Variants in EFCAB8 observed in about 807,000 individuals in gnomAD.
The protein encoded by EFCAB8 is EF-hand calcium-binding domain-containing protein 8.
In EFCAB8, 100 loss-of-function variants were observed where a neutral mutation model predicts 116.3. That is an observed-to-expected ratio of 0.86 (90% CI 0.73 to 1.02). The LOEUF is 1.02. Among genes scored for constraint, EFCAB8 ranks in the 50% least tolerant of loss-of-function variants. The pLI is 0.00. For synonymous variants in EFCAB8, 558 were observed against 567.9 expected (o/e 0.98, Z 0.25); for missense variants, 1,320 against 1,416.9 (o/e 0.93, Z 1.10).
chr20:32,898,441 C>T, intron 10 of EFCAB8, 52 bp from the exon 11 acceptor site: 2 of 701,686 alleles, frequency 2.9e-6, no homozygotes, highest in South Asian at 1.5e-5. Context: ...GGGGCTGGGC[C>T]TAGAAAGTTG....
chr20:32,915,055 G>A (rs1399829967), intron 17 of EFCAB8, among the ~76,000 whole-genome samples: 1 of 151,988 alleles, frequency 6.6e-6, no homozygotes, highest in East Asian at 1.9e-4. Context: ...ATGCCACCAT[G>A]CCTTGCTAAT....
chr20:32,885,453 C>T (rs1436533203), intron 5 of EFCAB8, 52 bp from the exon 6 acceptor site: 4 of 1,546,378 alleles, frequency 2.6e-6, no homozygotes, highest in Non-Finnish European at 3.5e-6. Flanking sequence ...CAGGTGCCCC[C>T]TCCCTGAGCT....
At chr20:32,948,124 T>C (rs1354244269) in intron 23 of EFCAB8, among the ~76,000 whole-genome samples, 1 of 152,052 alleles carries the variant, frequency 6.6e-6, no homozygotes, top group Non-Finnish European at 1.5e-5. Context: ...AATACACCAA[T>C]TACCAATATC....
chr20:32,933,267 A>G (rs1302569611), intron 22 of EFCAB8, among the ~76,000 whole-genome samples: 1 of 152,230 alleles, frequency 6.6e-6, no homozygotes, highest in Non-Finnish European at 1.5e-5. Context: ...ATTTTAAACA[A>G]TTGGGATTAT....
In EFCAB8 at chr20:32,939,325, C is replaced by T. The variant is rs1199979413; in HGVS notation, c.2791-4311C>T. On this transcript the variant is annotated intron_variant, in intron 22 of 26. Coordinates refer to ENST00000400522, the MANE Select transcript of EFCAB8 (RefSeq NM_001143967.2). ...TTTGACAGAGTCTTGCTCTGTCGCC[C>T]AGGCTGGAGTGCAGTGGTGCAATCT... Among the ~76,000 whole-genome samples, 3 of 142,504 alleles carry T rather than the reference C, an allele frequency of 2.1e-5. 1 individual carries two copies. Among genetic ancestry groups the T allele is most frequent in the Non-Finnish European group, 4.6e-5 (3 of 65,336 alleles). The allele number at this position is 142,504 out of a possible 152,430, so 93.5% of individuals were successfully genotyped here. A position where few individuals can be genotyped will look rare whatever the true frequency, so the allele number is the denominator to read the frequency against.
At chr20:32,928,244 T>A (rs1015609279) in intron 20 of EFCAB8, among the ~76,000 whole-genome samples, 22 of 140,920 alleles carry the variant, frequency 1.6e-4, no homozygotes, top group Non-Finnish European at 3.0e-4. Context: ...TTTTTTATTT[T>A]TTTTTTTTTG....
chr20:32,859,363 C>T (rs1485223898), intron 1 of EFCAB8, among the ~76,000 whole-genome samples: 1 of 152,190 alleles, frequency 6.6e-6, no homozygotes, highest in African/African-American at 2.4e-5. Flanking sequence ...TTCTAAATAT[C>T]AACCGAGTTT....
chr20:32,953,115 C>G (rs1568949585), intron 23 of EFCAB8, among the ~76,000 whole-genome samples: 1 of 152,170 alleles, frequency 6.6e-6, no homozygotes, highest in Non-Finnish European at 1.5e-5. Flanking sequence ...GCATAATGCC[C>G]TCAATATTTA....
At chr20:32,896,770 G>A (rs1034373756) in intron 10 of EFCAB8, among the ~76,000 whole-genome samples, 11 of 152,264 alleles carry the variant, frequency 7.2e-5, no homozygotes, top group Middle Eastern at 3.4e-3. Flanking sequence ...ACACCGCCTC[G>A]CTCCTGGATG....
intron 14 of EFCAB8, 75 bp downstream of exon 14, chr20:32,908,487 C>T (rs768373447): frequency 4.0e-6 from 5 of 1,243,076 alleles, no homozygotes; most frequent in Non-Finnish European, 5.1e-6. Flanking sequence ...ATGGGACACC[C>T]AAGGGGTGGC....
chr20:32,883,844 C>T (rs1985470778), intron 5 of EFCAB8, among the ~76,000 whole-genome samples: 1 of 152,122 alleles, frequency 6.6e-6, no homozygotes. Flanking sequence ...GCGTGTGCTA[C>T]CACACCTGGC....
intron 6 of EFCAB8, among the ~76,000 whole-genome samples, chr20:32,888,879 A>G (rs1985768105): frequency 6.6e-6 from 1 of 151,900 alleles, no homozygotes; most frequent in Non-Finnish European, 1.5e-5. Context: ...AGTAGGTGCA[A>G]ACACACCCAT....
At chr20:32,920,046 A>C in intron 19 of EFCAB8, 32 bp from the exon 20 acceptor site, 1 of 1,551,654 alleles carries the variant, frequency 6.4e-7, no homozygotes, top group Non-Finnish European at 8.7e-7. Context: ...AAACACCCTC[A>C]TGGTGACTTG....
At chr20:32,926,416 T>C (rs927519170) in intron 20 of EFCAB8, among the ~76,000 whole-genome samples, 2 of 151,202 alleles carry the variant, frequency 1.3e-5, no homozygotes, top group African/African-American at 4.9e-5. Flanking sequence ...GAAACTATTG[T>C]TTATTTAGCT....
chr20:32,882,242 C>G (rs1034891703), intron 5 of EFCAB8, among the ~76,000 whole-genome samples: 1 of 152,176 alleles, frequency 6.6e-6, no homozygotes. Flanking sequence ...ATTCAGCCCA[C>G]TGAGGCTGAT....
At position 32,885,692 on chromosome 20, in the gene EFCAB8, G is replaced by A. The variant is rs768460160; in HGVS notation, c.567+52G>A. The A allele has an allele frequency of 7.8e-5, 120 of 1,539,294 alleles. 1 individual carries two copies. The highest frequency in any genetic ancestry group is 1.0e-4 in the Non-Finnish European group (114 of 1,138,332). ...ACACATGGGTGATTGGAGAGCCTCT[G>A]CCTTAGCACCCCCATGGTGAAGGTG... On this transcript the variant is annotated intron_variant, in intron 6 of 26. Coordinates refer to ENST00000400522, the MANE Select transcript of EFCAB8 (RefSeq NM_001143967.2).
chr20:32,898,686 A>G (rs1169839638), intron 11 of EFCAB8, 63 bp downstream of exon 11: 3 of 698,232 alleles, frequency 4.3e-6, no homozygotes, highest in Non-Finnish European at 8.1e-6. Flanking sequence ...TGGTGAGTGG[A>G]CCATGGGGGC....
At chr20:32,859,809 A>G (rs1984009851) in intron 1 of EFCAB8, among the ~76,000 whole-genome samples, 1 of 152,242 alleles carries the variant, frequency 6.6e-6, no homozygotes, top group South Asian at 2.1e-4. Context: ...CAGTTATCAA[A>G]AGCAGAAAAC....
intron 12 of EFCAB8, 86 bp from the exon 13 acceptor site, chr20:32,906,757 G>T: frequency 1.3e-6 from 1 of 754,928 alleles, no homozygotes; most frequent in South Asian, 1.5e-5. Context: ...TGCTGCTCTT[G>T]TCCCCACTTC....
Sources: gnomAD v4.1 joint callset for allele counts (sites outside exome capture counted in the v4.1 genomes callset) on GRCh38, gnomAD v4.1.1 for gene constraint, MANE v1.5 for transcripts, NCBI Gene and HGNC (gene_info 2026-07-23, HGNC 2026-07-21) for gene names.